The following PFKFB1 variants were observed in gnomAD, a reference collection of about 807,000 sequenced individuals.
PFKFB1 encodes 6-phosphofructo-2-kinase/fructose-2,6-bisphosphatase 1.
A neutral mutation model predicts 46.4 loss-of-function variants in PFKFB1; 34 were observed. That is an observed-to-expected ratio of 0.73 (90% confidence interval 0.56 to 0.98). PFKFB1 has a LOEUF of 0.98. Among genes scored for constraint, PFKFB1 ranks in the 50% least tolerant of loss-of-function variants. The pLI is 0.00. For synonymous variants in PFKFB1, 119 were observed against 133.8 expected (o/e 0.89, Z 0.76); for missense variants, 393 against 376.3 (o/e 1.04, Z -0.37).
chrX:54,982,953 A>C (rs1935032439), intron 1 of PFKFB1, among the ~76,000 whole-genome samples: 2 of 111,386 alleles, frequency 1.8e-5, no homozygotes, highest in Admixed American at 1.9e-4. Context: ...TCTTTAAATA[A>C]TTTTAATGAG....
chrX:54,985,838 CTGATGTATGATGTATG>C (rs894535843), intron 1 of PFKFB1, among the ~76,000 whole-genome samples: 25 of 109,347 alleles, frequency 2.3e-4, no homozygotes, highest in Admixed American at 1.4e-3. Flanking sequence ...CTGAAGCACA[CTGATGTATGATGTATG>C]TGAAAAGCCC....
chrX:54,962,375 C>T (rs1255149429), intron 2 of PFKFB1, among the ~76,000 whole-genome samples: 3 of 111,864 alleles, frequency 2.7e-5, no homozygotes, highest in Non-Finnish European at 5.6e-5. Flanking sequence ...TTTCATACAG[C>T]GCCCTGCTCC....
rs1313106902 is a variant in PFKFB1, at chrX:54,952,051, C to A, written c.700G>T (p.Asp234Tyr). ...GTRYMVNRVQDHIQSRTVYYL... is the reference protein window; with the variant it reads ...GTRYMVNRVQYHIQSRTVYYL... ...TAGACTGTGCGGCTCTGGATGTGAT[C>A]CTGCACTCGGTTCACCATGTAGCGT... The change falls in exon 8 of 14, where the codon GAT (aspartate) becomes TAT (tyrosine). Residue 234 changes from aspartate (D) to tyrosine (Y), a missense_variant. Physicochemically the swap from Asp to Tyr is radical, Grantham distance 160. Coordinates refer to ENST00000375006, the MANE Select transcript of PFKFB1 (RefSeq NM_002625.4). 5 of 1,211,501 alleles carry A rather than the reference C, an allele frequency of 4.1e-6. No homozygotes were observed. In the East Asian group the frequency reaches 1.5e-4, roughly 36 times the overall value.
chrX:54,965,406 A>G (rs1389270698), intron 1 of PFKFB1, among the ~76,000 whole-genome samples: 3 of 112,172 alleles, frequency 2.7e-5, no homozygotes, highest in Non-Finnish European at 5.6e-5. Flanking sequence ...CAGTGAAATG[A>G]AACCTTTAAA....
At chrX:54,958,014 C>A (rs1265775110) in intron 6 of PFKFB1, among the ~76,000 whole-genome samples, 1 of 111,598 alleles carries the variant, frequency 9.0e-6, no homozygotes, top group Admixed American at 9.5e-5. Flanking sequence ...AGTTTCCTCT[C>A]TCTAACATGG....
At chrX:54,988,659 A>G (rs908846982) in intron 1 of PFKFB1, among the ~76,000 whole-genome samples, 1 of 111,792 alleles carries the variant, frequency 8.9e-6, no homozygotes, top group Non-Finnish European at 1.9e-5. Context: ...AATGGAATAG[A>G]ACTGAGAGCC....
intron 1 of PFKFB1, among the ~76,000 whole-genome samples, chrX:54,992,896 T>C: frequency 1.8e-5 from 2 of 111,528 alleles, no homozygotes; most frequent in Admixed American, 1.9e-4. Context: ...CCTAGTCTTT[T>C]TTCTCTCTCT....
intron 1 of PFKFB1, among the ~76,000 whole-genome samples, chrX:54,983,051 T>C (rs1475286402): frequency 9.0e-6 from 1 of 111,650 alleles, no homozygotes; most frequent in African/African-American, 3.2e-5. Context: ...AAAACTTTTA[T>C]AAGGTGTTCT....
At position 54,959,865 on chromosome X, in the gene PFKFB1, C is replaced by T. The variant is rs1213691478; in HGVS notation, c.346G>A (p.Val116Ile). ...KQCALAALKD[V>I]HNYLSHEEGH... ...TCCTCATGGCTGAGATAGTTGTGAA[C>T]ATCCTTCAGGGCTGCCAGGGCGCAC... Residue 116 changes from valine to isoleucine, a missense_variant, in exon 4 of 14, where the codon GTT becomes ATT. By Grantham distance (29) the Val-to-Ile change is conservative. Transcript: ENST00000375006. 4.1e-6 allele frequency: 5 copies of T among 1,207,387 alleles called. No individual in the cohort carries two copies. The highest frequency in any genetic ancestry group is 5.6e-6 in the Non-Finnish European group (5 of 892,039).
chrX:54,979,807 C>G (rs1031350717), intron 1 of PFKFB1, among the ~76,000 whole-genome samples: 4 of 111,481 alleles, frequency 3.6e-5, no homozygotes, highest in Non-Finnish European at 7.6e-5. Context: ...TAAAATAAGG[C>G]AAAAGTGATG....
chrX:54,979,736 G>C (rs1053244776), intron 1 of PFKFB1, among the ~76,000 whole-genome samples: 3 of 112,011 alleles, frequency 2.7e-5, no homozygotes, highest in Admixed American at 9.4e-5. Context: ...TGTTATTCAT[G>C]ACATTGTGTA....
In PFKFB1 at chrX:54,986,884, T is replaced by C. The variant is rs1292781232; in HGVS notation, c.97+7027A>G. Reference sequence around the variant, plus strand: ...AAAAAATTAATAACAGAGAGAACTTTGGGAAATTCACAAATATGGGAACCT... The same window carrying C: ...AAAAAATTAATAACAGAGAGAACTTCGGGAAATTCACAAATATGGGAACCT... On this transcript the variant is annotated intron_variant, in intron 1 of 13. Coordinates refer to ENST00000375006, the MANE Select transcript of PFKFB1 (RefSeq NM_002625.4). Among the ~76,000 whole-genome samples the C allele has an allele frequency of 3.6e-5, 4 of 110,834 alleles. No homozygotes were observed. In the South Asian group the frequency reaches 1.5e-3, roughly 41 times the overall value.
chrX:54,960,960 G>C (rs1557238382), intron 2 of PFKFB1, 43 bp from the exon 3 acceptor site: 7 of 903,300 alleles, frequency 7.7e-6, no homozygotes, highest in Non-Finnish European at 1.1e-5. Context: ...GAAGATCCCA[G>C]TGGCCAAAAA....
At chrX:54,939,852 C>G (rs1228322549) in intron 10 of PFKFB1, among the ~76,000 whole-genome samples, 1 of 111,812 alleles carries the variant, frequency 8.9e-6, no homozygotes, top group Admixed American at 9.5e-5. Flanking sequence ...GAAACTATTC[C>G]AATCAATAGA....
At chrX:54,942,631 C>A (rs1933677378) in intron 10 of PFKFB1, among the ~76,000 whole-genome samples, 1 of 111,421 alleles carries the variant, frequency 9.0e-6, no homozygotes, top group Non-Finnish European at 1.9e-5. Context: ...GCTCATATAA[C>A]ACACAAGGAA....
At chrX:54,945,705 T>TGTGTGTGTGTGTGTGC (rs1933787632) in intron 9 of PFKFB1, among the ~76,000 whole-genome samples, 162 bp from the exon 10 acceptor site, 1 of 104,656 alleles carries the variant, frequency 9.6e-6, no homozygotes, top group East Asian at 3.1e-4. Context: ...TGTATGCGTG[T>TGTGTGTGTGTGTGTGC]GTGTGTGTGT....
intron 7 of PFKFB1, among the ~76,000 whole-genome samples, chrX:54,953,239 C>G (rs1036619986): frequency 9.0e-6 from 1 of 111,461 alleles, no homozygotes; most frequent in Non-Finnish European, 1.9e-5. Context: ...GTAACAAAAC[C>G]GAGTGAATGG....
intron 9 of PFKFB1, among the ~76,000 whole-genome samples, 184 bp from the exon 10 acceptor site, chrX:54,945,727 T>C (rs895345625): frequency 4.0e-4 from 43 of 107,375 alleles, no homozygotes; most frequent in African/African-American, 1.4e-3. Flanking sequence ...TGTGCGTGTG[T>C]GTGTGTGTGT....
chrX:54,961,029 A>G (rs1934298377), intron 2 of PFKFB1, 112 bp from the exon 3 acceptor site: 8 of 418,386 alleles, frequency 1.9e-5, no homozygotes, highest in Non-Finnish European at 3.4e-5. Context: ...TAGCTACAAA[A>G]TGTGCTTTTA....
Sources: allele counts gnomAD v4.1 joint callset (sites outside exome capture counted in the v4.1 genomes callset), GRCh38; gene constraint gnomAD v4.1.1; transcripts MANE v1.5; gene names NCBI Gene and HGNC (gene_info 2026-07-23, HGNC 2026-07-21).